Variants in TENM4 observed in about 807,000 individuals in gnomAD.
TENM4 encodes teneurin-4.
A neutral mutation model predicts 243.3 loss-of-function variants in TENM4; 82 were observed. The observed-to-expected ratio is 0.34, with a 90% CI of 0.28 to 0.40. The LOEUF is 0.40. Among genes scored for constraint, TENM4 ranks in the 10% least tolerant of loss-of-function variants. The pLI is 1.00. For synonymous variants in TENM4, 1,412 were observed against 1,456.3 expected, an observed-to-expected ratio of 0.97 and a Z score of 0.69; for missense variants, 3,138 against 3,673.3, an observed-to-expected ratio of 0.85 and a Z score of 3.77.
chr11:79,076,038 C>T (rs1860528232), intron 4 of TENM4, among the ~76,000 whole-genome samples: 1 of 152,152 alleles, frequency 6.6e-6, no homozygotes, highest in Non-Finnish European at 1.5e-5. Flanking sequence ...TAAGCTTGTT[C>T]TTATGCTAAC....
At chr11:78,949,399 T>C (rs781167709) in intron 6 of TENM4, among the ~76,000 whole-genome samples, 36 of 152,300 alleles carry the variant, frequency 2.4e-4, no homozygotes, top group Middle Eastern at 3.4e-3. Context: ...AATACATACA[T>C]TGAGAGGAAG....
chr11:79,051,416 C>G (rs191216003), intron 6 of TENM4, among the ~76,000 whole-genome samples: 1 of 152,284 alleles, frequency 6.6e-6, no homozygotes, highest in Non-Finnish European at 1.5e-5. Flanking sequence ...GTTGGAGTCA[C>G]CAAGTGTGTG....
intron 6 of TENM4, among the ~76,000 whole-genome samples, chr11:78,997,657 C>T (rs568338525): frequency 6.6e-6 from 1 of 152,202 alleles, no homozygotes; most frequent in East Asian, 1.9e-4. Context: ...TTTCTTTCCC[C>T]CTGAAGTTTG....
intron 6 of TENM4, among the ~76,000 whole-genome samples, chr11:78,934,492 G>A (rs77541739): frequency 0.01 from 1,578 of 152,216 alleles, 22 homozygotes; most frequent in African/African-American, 0.036. Flanking sequence ...TATCTTTCAC[G>A]GGTTAGACTG....
At chr11:79,385,789 G>T (rs559162748) in intron 1 of TENM4, among the ~76,000 whole-genome samples, 18 of 152,250 alleles carry the variant, frequency 1.2e-4, no homozygotes, top group African/African-American at 4.3e-4. Flanking sequence ...GTTTCAGCCT[G>T]TTGGCAGCAC....
At chr11:79,277,007 C>G (rs951363168) in intron 2 of TENM4, among the ~76,000 whole-genome samples, 1 of 152,098 alleles carries the variant, frequency 6.6e-6, no homozygotes, top group Non-Finnish European at 1.5e-5. Context: ...AATATTAGCC[C>G]TTTTGTAGAA....
chr11:78,684,733 T>C (rs934105107), intron 29 of TENM4, among the ~76,000 whole-genome samples: 2 of 152,214 alleles, frequency 1.3e-5, no homozygotes, highest in Admixed American at 1.3e-4. Flanking sequence ...ACTGCCTTCA[T>C]GCAGAAAACA....
chr11:78,725,477 T>C (rs57017407), intron 23 of TENM4, among the ~76,000 whole-genome samples: 12,092 of 152,226 alleles, frequency 0.079, 1,541 homozygotes, highest in African/African-American at 0.27. Context: ...GACATTTGCC[T>C]TGGATGAAGT....
intron 2 of TENM4, among the ~76,000 whole-genome samples, chr11:79,216,543 A>G (rs1054012420): frequency 6.6e-6 from 1 of 152,216 alleles, no homozygotes; most frequent in Non-Finnish European, 1.5e-5. Context: ...GTTGGGAGGT[A>G]GGGATTAATG....
chr11:79,352,428 A>T (rs1324858754), intron 1 of TENM4, among the ~76,000 whole-genome samples: 1 of 152,128 alleles, frequency 6.6e-6, no homozygotes, highest in Non-Finnish European at 1.5e-5. Context: ...TGCTGCCCCA[A>T]TCATGCCCAG....
At chr11:79,370,779 TAAAAAAAAAAAAAAAA>T (rs544196671) in intron 1 of TENM4, among the ~76,000 whole-genome samples, 5 of 57,144 alleles carry the variant, frequency 8.7e-5, no homozygotes, top group Non-Finnish European at 1.6e-4. Context: ...ACTCCTATGG[TAAAAAAAAAAAAAAAA>T]AAAAAAAAAA....
At chr11:79,309,294 T>C (rs918872018) in intron 1 of TENM4, among the ~76,000 whole-genome samples, 1 of 152,206 alleles carries the variant, frequency 6.6e-6, no homozygotes, top group Non-Finnish European at 1.5e-5. Context: ...GGTAGGCGAA[T>C]TTCATTGCCT....
intron 28 of TENM4, among the ~76,000 whole-genome samples, chr11:78,696,860 G>GA (rs1212313584): frequency 2.0e-5 from 3 of 152,044 alleles, no homozygotes; most frequent in Non-Finnish European, 4.4e-5. Context: ...AGGTATGTGG[G>GA]ATTTTTTTTT....
intron 6 of TENM4, among the ~76,000 whole-genome samples, chr11:79,060,258 G>A (rs547554653): frequency 1.3e-5 from 2 of 152,352 alleles, no homozygotes; most frequent in East Asian, 1.9e-4. Flanking sequence ...GGCTCTGCCT[G>A]AAGGCCCCGA....
intron 27 of TENM4, among the ~76,000 whole-genome samples, chr11:78,703,716 T>TG (rs1289757035): frequency 6.6e-6 from 1 of 152,018 alleles, no homozygotes; most frequent in African/African-American, 2.4e-5. Context: ...TGCCGACAGG[T>TG]GCACCCTACT....
intron 1 of TENM4, among the ~76,000 whole-genome samples, chr11:79,351,167 C>T (rs1857409236): frequency 6.6e-6 from 1 of 152,156 alleles, no homozygotes; most frequent in African/African-American, 2.4e-5. Context: ...AGGCTTTGTT[C>T]AAATCTTACC....
At chr11:79,421,356 C>T (rs1858927015) in intron 1 of TENM4, among the ~76,000 whole-genome samples, 1 of 152,090 alleles carries the variant, frequency 6.6e-6, no homozygotes, top group Non-Finnish European at 1.5e-5. Context: ...AGGAATTTAC[C>T]TGTGTCAAAT....
At chr11:79,261,987 T>C (rs1855806649) in intron 2 of TENM4, among the ~76,000 whole-genome samples, 1 of 152,212 alleles carries the variant, frequency 6.6e-6, no homozygotes, top group African/African-American at 2.4e-5. Context: ...GTAAGGATTT[T>C]CTTATATTTT....
intron 13 of TENM4, among the ~76,000 whole-genome samples, chr11:78,814,071 T>C (rs1857554844): frequency 6.6e-6 from 1 of 152,106 alleles, no homozygotes; most frequent in African/African-American, 2.4e-5. Context: ...TCACCCTCCC[T>C]TCCTGACCTC....
Sources: allele counts gnomAD v4.1 joint callset (sites outside exome capture counted in the v4.1 genomes callset), GRCh38; gene constraint gnomAD v4.1.1; transcripts MANE v1.5; gene names NCBI Gene and HGNC (gene_info 2026-07-23, HGNC 2026-07-21).